GALNT7: variants seen among roughly 807,000 people sequenced by gnomAD.
GALNT7 encodes N-acetylgalactosaminyltransferase 7.
Under a neutral mutation model 82.1 loss-of-function variants are expected in GALNT7, and 60 were observed. The ratio of observed to expected loss-of-function variants is 0.73; its 90% confidence interval spans 0.59 to 0.91. The LOEUF (loss-of-function observed/expected upper bound fraction) is 0.91. Ranked by LOEUF, GALNT7 falls within the 40% of genes least tolerant of loss-of-function variation. The probability of loss-of-function intolerance (pLI) is 0.00; values close to 1 mark genes in which losing one functional copy is unlikely to be tolerated. For missense variants in GALNT7, 660 were observed against 804.2 expected, an observed-to-expected ratio of 0.82 and a Z score of 2.17; for synonymous variants, 243 against 275.1, an observed-to-expected ratio of 0.88 and a Z score of 1.15.
At chr4:173,214,802 ATTTT>A (rs11330284) in intron 1 of GALNT7, among the ~76,000 whole-genome samples, 1 of 147,156 alleles carries the variant, frequency 6.8e-6, no homozygotes, top group African/African-American at 2.5e-5. Context: ...TATGACTTGG[ATTTT>A]TTTTTTTTTT....
At chr4:173,259,293 T>C (rs1735166374) in intron 2 of GALNT7, among the ~76,000 whole-genome samples, 1 of 152,100 alleles carries the variant, frequency 6.6e-6, no homozygotes, top group Admixed American at 6.5e-5. Context: ...AAGATGAAGA[T>C]AGTTGTTAGA....
chr4:173,244,595 T>C (rs1245770680), intron 1 of GALNT7, among the ~76,000 whole-genome samples: 5 of 152,162 alleles, frequency 3.3e-5, no homozygotes, highest in African/African-American at 1.2e-4. Context: ...AAAATAGACA[T>C]GGCAATCATA....
rs764136239 is a variant in GALNT7, at chr4:173,292,150, C to T, written c.630C>T (p.Ser210=). ...ATGATGAAAACTTGCTCACTTCGAG[C>T]GTTGTCATTGTCTTCCATAATGAAG... ...WHYDENLLTS[S]VVIVFHNEGW... The change falls in exon 3 of 12, where the codon AGC becomes AGT. Residue 210 remains serine (S), a synonymous_variant. Transcript: ENST00000265000. The surrounding 1 kb of genome is among the most constrained non-coding windows in gnomAD (Gnocchi z 4.8). 9 of 1,608,938 alleles carry T rather than the reference C, an allele frequency of 5.6e-6. No individual in the cohort carries two copies. The highest frequency in any genetic ancestry group is 3.4e-5 in the Admixed American group (2 of 59,464).
intron 2 of GALNT7, among the ~76,000 whole-genome samples, chr4:173,255,809 A>G (rs1451489935): frequency 1.3e-5 from 2 of 152,232 alleles, no homozygotes; most frequent in Non-Finnish European, 2.9e-5. Flanking sequence ...CAGACATGCT[A>G]GAGTGCAGTG....
rs1328353059 is a variant in GALNT7, at chr4:173,248,352, C to G, written c.499C>G (p.Gln167Glu). The G allele has an allele frequency of 7.4e-6, 12 of 1,613,662 alleles. No individual in the cohort carries two copies. The highest frequency in any genetic ancestry group is 1.3e-5 in the African/African-American group (1 of 74,878). Residue 167 changes from glutamine to glutamate, a missense_variant, in exon 2 of 12, where the codon CAA becomes GAA. By Grantham distance (29) the Gln-to-Glu change is conservative. This residue lies in a region of GALNT7 where 527 missense variants were observed against 683.5 expected (regional missense o/e 0.77). Coordinates refer to ENST00000265000, the MANE Select transcript of GALNT7 (RefSeq NM_017423.3). ...GGGACCAGAATTCAAACAAGCAATT[C>G]AAGCCAGCATTAAAGAGTTTGGATT... ...VLGPEFKQAI[Q>E]ASIKEFGFNM...
chr4:173,227,410 C>T (rs907871201), intron 1 of GALNT7, among the ~76,000 whole-genome samples: 18 of 152,188 alleles, frequency 1.2e-4, no homozygotes, highest in African/African-American at 3.6e-4. Flanking sequence ...TGGCTCACTG[C>T]AAGCTCCGCC....
chr4:173,263,522 A>C (rs1304859527), intron 2 of GALNT7, among the ~76,000 whole-genome samples: 1 of 152,216 alleles, frequency 6.6e-6, no homozygotes, highest in Non-Finnish European at 1.5e-5. Context: ...ATGAAATCCT[A>C]TCTCTACACT....
At chr4:173,277,376 T>C (rs1735950848) in intron 2 of GALNT7, among the ~76,000 whole-genome samples, 1 of 152,222 alleles carries the variant, frequency 6.6e-6, no homozygotes. Context: ...TTCTCATCTC[T>C]ACTTCTTTCT....
At chr4:173,226,420 C>G (rs1733829660) in intron 1 of GALNT7, among the ~76,000 whole-genome samples, 2 of 152,076 alleles carry the variant, frequency 1.3e-5, no homozygotes, top group Admixed American at 1.3e-4. Context: ...CATCTCCAGT[C>G]CTCAACATTT....
At chr4:173,231,365 G>C (rs1236421852) in intron 1 of GALNT7, among the ~76,000 whole-genome samples, 1 of 152,146 alleles carries the variant, frequency 6.6e-6, no homozygotes, top group Non-Finnish European at 1.5e-5. Flanking sequence ...GGCCCCTCGA[G>C]TTAATTGTTT....
chr4:173,191,804 C>G (rs1335579375), intron 1 of GALNT7, among the ~76,000 whole-genome samples: 1 of 152,068 alleles, frequency 6.6e-6, no homozygotes, highest in Non-Finnish European at 1.5e-5. Context: ...TTCCATGACC[C>G]TTTGTTGAAT....
At chr4:173,241,086 T>C (rs1342303199) in intron 1 of GALNT7, among the ~76,000 whole-genome samples, 1 of 151,938 alleles carries the variant, frequency 6.6e-6, no homozygotes, top group Non-Finnish European at 1.5e-5. Flanking sequence ...AAATAGTTGA[T>C]TAGCCAGGCA....
chr4:173,229,239 C>T (rs1733943033), intron 1 of GALNT7, among the ~76,000 whole-genome samples: 1 of 152,124 alleles, frequency 6.6e-6, no homozygotes, highest in East Asian at 1.9e-4. Flanking sequence ...TAATATTCAC[C>T]TACCCTAGTG....
At position 173,317,619 on chromosome 4, in the gene GALNT7, T is replaced by C. The variant is rs1737651736; in HGVS notation, c.1609-15T>C. ...AACTGTTGCCTGCTTTTTGCGTCTT[T>C]ATTCATTTTTTTAGATCAGAGGCTT... On this transcript the variant is annotated splice_polypyrimidine_tract_variant and intron_variant, in intron 9 of 11. Coordinates refer to ENST00000265000, the MANE Select transcript of GALNT7 (RefSeq NM_017423.3). 1.3e-6 allele frequency: 2 copies of C among 1,517,852 alleles called. No homozygotes were observed. Among genetic ancestry groups the C allele is most frequent in the Admixed American group, 1.7e-5 (1 of 59,610 alleles). The allele number at this position is 1,517,852 out of a possible 1,614,324, so 94.0% of individuals were successfully genotyped here. A position where few individuals can be genotyped will look rare whatever the true frequency, so the allele number is the denominator to read the frequency against.
chr4:173,304,223 A>G, intron 8 of GALNT7, 105 bp downstream of exon 8: 1 of 861,020 alleles, frequency 1.2e-6, no homozygotes, highest in Non-Finnish European at 1.8e-6. Context: ...GCTCTTCAGC[A>G]GTCATGTTGA....
At chr4:173,202,531 T>G (rs1359499501) in intron 1 of GALNT7, among the ~76,000 whole-genome samples, 1 of 152,174 alleles carries the variant, frequency 6.6e-6, no homozygotes, top group East Asian at 1.9e-4. Flanking sequence ...TCTTCACTCT[T>G]TTCTGTCTCC....
At chr4:173,172,904 T>A (rs1010151570) in intron 1 of GALNT7, among the ~76,000 whole-genome samples, 10 of 152,032 alleles carry the variant, frequency 6.6e-5, no homozygotes, top group Non-Finnish European at 1.5e-4. Flanking sequence ...TTGAAAGATT[T>A]TAAGTAGGGA....
intron 1 of GALNT7, among the ~76,000 whole-genome samples, chr4:173,202,497 T>C (rs1343922301): frequency 6.6e-6 from 1 of 152,180 alleles, no homozygotes; most frequent in African/African-American, 2.4e-5. Context: ...TTCAGTAATA[T>C]TATTGCCTTT....
chr4:173,260,374 G>A (rs574172368), intron 2 of GALNT7, among the ~76,000 whole-genome samples: 1 of 152,182 alleles, frequency 6.6e-6, no homozygotes, highest in Non-Finnish European at 1.5e-5. Flanking sequence ...CAGTATTTTA[G>A]TTTATGGTTT....
Sources: allele counts gnomAD v4.1 joint callset (sites outside exome capture counted in the v4.1 genomes callset), GRCh38; gene constraint gnomAD v4.1.1; regional missense constraint gnomAD v4.1.1; non-coding constraint Gnocchi (gnomAD v3.1); transcripts MANE v1.5; gene names NCBI Gene and HGNC (gene_info 2026-07-23, HGNC 2026-07-21).